Variants in MEI4 observed in about 807,000 individuals in gnomAD.
MEI4 encodes the protein meiosis-specific protein MEI4.
MEI4 carries 27 observed loss-of-function variants against 31.4 expected under a neutral mutation model. That is an observed-to-expected ratio of 0.86 (90% confidence interval 0.63 to 1.19). The LOEUF is 1.19. Among genes scored for constraint, MEI4 ranks in the 50% most tolerant of loss-of-function variants. The probability of loss-of-function intolerance (pLI) is 0.00; values close to 1 mark genes in which losing one functional copy is unlikely to be tolerated. For synonymous variants in MEI4, 122 were observed against 145.4 expected, an observed-to-expected ratio of 0.84 and a Z score of 1.16; for missense variants, 329 against 398.9, an observed-to-expected ratio of 0.82 and a Z score of 1.49.
Position 77,761,278 on chromosome 6 carries a change from C to T in MEI4, c.381C>T (p.Pro127=), listed in dbSNP as rs372270273. ...AGCACTTTGTGGAAAGCTGTACCCCCACTCACTTTCCACCACTGCCTCTTG... is the reference window on the plus strand; with the variant it reads ...AGCACTTTGTGGAAAGCTGTACCCCTACTCACTTTCCACCACTGCCTCTTG... The part of the protein sequence containing the change: ...LSQHFVESCT[P]THFPPLPLVK... Residue 127 remains proline (P), a synonymous_variant, in exon 3 of 5, where the codon CCC becomes CCT. Transcript: ENST00000684080. 1.9e-5 allele frequency: 23 copies of T among 1,232,534 alleles called. No individual in the cohort carries two copies. Among genetic ancestry groups the T allele is most frequent in the East Asian group, 3.2e-5 (1 of 31,712 alleles). 76.3% of individuals were successfully genotyped at this position (1,232,534 alleles called of 1,614,324 possible).
chr6:77,793,566 A>G (rs1582150332), intron 3 of MEI4, among the ~76,000 whole-genome samples: 1 of 150,540 alleles, frequency 6.6e-6, no homozygotes, highest in South Asian at 2.1e-4. Context: ...AAATTGTCAA[A>G]TATAATTATA....
chr6:77,690,336 C>G (rs1202769156), intron 1 of MEI4, among the ~76,000 whole-genome samples: 1 of 151,986 alleles, frequency 6.6e-6, no homozygotes, highest in Non-Finnish European at 1.5e-5. Context: ...ATTTTGAAAG[C>G]TCCCTCAGAG....
chr6:77,907,864 C>T (rs1291037121), intron 4 of MEI4, among the ~76,000 whole-genome samples: 1 of 152,120 alleles, frequency 6.6e-6, no homozygotes, highest in Non-Finnish European at 1.5e-5. Context: ...GATGGTATCT[C>T]ATTGTGGTTT....
chr6:77,792,033 A>G (rs1460410297), intron 3 of MEI4, among the ~76,000 whole-genome samples: 1 of 152,090 alleles, frequency 6.6e-6, no homozygotes, highest in Non-Finnish European at 1.5e-5. Context: ...TGTAAGAGAG[A>G]TTATAGGGTA....
intron 1 of MEI4, among the ~76,000 whole-genome samples, chr6:77,658,125 C>T (rs995332953): frequency 2.6e-5 from 4 of 152,052 alleles, no homozygotes; most frequent in Non-Finnish European, 5.9e-5. Context: ...AGAGAGTCAG[C>T]GAAGGGTGGT....
At chr6:77,665,068 G>C (rs201773350) in intron 1 of MEI4, among the ~76,000 whole-genome samples, 3 of 150,588 alleles carry the variant, frequency 2.0e-5, no homozygotes, top group Non-Finnish European at 4.4e-5. Flanking sequence ...GAGGGAAGGG[G>C]TTCGGGGGTT....
At chr6:77,781,669 C>A (rs1011778358) in intron 3 of MEI4, among the ~76,000 whole-genome samples, 2 of 152,080 alleles carry the variant, frequency 1.3e-5, no homozygotes, top group Non-Finnish European at 2.9e-5. Context: ...TTATAACAAT[C>A]CAGGAAAGGT....
chr6:77,653,588 A>C (rs1487998376), intron 1 of MEI4, among the ~76,000 whole-genome samples: 1 of 152,178 alleles, frequency 6.6e-6, no homozygotes, highest in Non-Finnish European at 1.5e-5. Flanking sequence ...TTTATTGTTC[A>C]ATTTAAAAGG....
intron 3 of MEI4, among the ~76,000 whole-genome samples, chr6:77,810,360 A>G (rs908973164): frequency 1.3e-5 from 2 of 152,036 alleles, no homozygotes; most frequent in Non-Finnish European, 1.5e-5. Context: ...AATGTTGTGG[A>G]AAAAAAGGAA....
chr6:77,756,407 G>A (rs1767919509), intron 2 of MEI4, among the ~76,000 whole-genome samples: 1 of 152,016 alleles, frequency 6.6e-6, no homozygotes, highest in Non-Finnish European at 1.5e-5. Flanking sequence ...TGGAAGCATT[G>A]GTTTCCAGTG....
Position 77,758,350 on chromosome 6 carries a change from T to C in MEI4, c.233-2780T>C, listed in dbSNP as rs151226237. Among the ~76,000 whole-genome samples the C allele has an allele frequency of 2.0e-3, 298 of 152,298 alleles. 3 individuals are homozygous for C. The highest frequency in any genetic ancestry group is 6.0e-3 in the African/African-American group (248 of 41,564). On this transcript the variant is annotated intron_variant, in intron 2 of 4. Coordinates refer to ENST00000684080, the MANE Select transcript of MEI4 (RefSeq NM_001322247.2). ...CAAGCACATGTCTGCACATTTTTGATGGTTATAGTAGACACTTGTTAAATG... is the reference window on the plus strand; with the variant it reads ...CAAGCACATGTCTGCACATTTTTGACGGTTATAGTAGACACTTGTTAAATG...
chr6:77,766,567 C>CCACACCCGGCTAATTTTTTTG (rs1219231451), intron 3 of MEI4, among the ~76,000 whole-genome samples: 3 of 152,086 alleles, frequency 2.0e-5, no homozygotes, highest in Non-Finnish European at 4.4e-5. Context: ...GTGCCTGCCA[C>CCACACCCGGCTAATTTTTTTG]CACACCCGGC....
chr6:77,861,636 A>G (rs1018179663), intron 4 of MEI4, among the ~76,000 whole-genome samples: 1 of 152,170 alleles, frequency 6.6e-6, no homozygotes, highest in Non-Finnish European at 1.5e-5. Context: ...CTGAAAGGCC[A>G]CATGTATATT....
chr6:77,693,154 A>G (rs1769190246), intron 2 of MEI4, among the ~76,000 whole-genome samples: 1 of 152,112 alleles, frequency 6.6e-6, no homozygotes, highest in Non-Finnish European at 1.5e-5. Flanking sequence ...TTACTATTGC[A>G]TGAGCAAAAA....
chr6:77,834,274 A>T (rs1770153936), intron 4 of MEI4, among the ~76,000 whole-genome samples: 1 of 151,704 alleles, frequency 6.6e-6, no homozygotes, highest in East Asian at 1.9e-4. Context: ...GACATGGTAA[A>T]TAAGTTTAAG....
intron 3 of MEI4, among the ~76,000 whole-genome samples, chr6:77,795,991 G>A (rs1582153512): frequency 6.6e-6 from 1 of 152,238 alleles, no homozygotes; most frequent in Non-Finnish European, 1.5e-5. Context: ...ATACATATAT[G>A]CAAAATGCAC....
chr6:77,758,993 A>ATC (rs1767981209), intron 2 of MEI4, among the ~76,000 whole-genome samples: 2 of 152,122 alleles, frequency 1.3e-5, no homozygotes, highest in African/African-American at 4.8e-5. Flanking sequence ...CCATTGCAAT[A>ATC]AGTTCTCTGT....
intron 3 of MEI4, among the ~76,000 whole-genome samples, chr6:77,788,754 G>T (rs1157903867): frequency 6.6e-6 from 1 of 152,062 alleles, no homozygotes; most frequent in Non-Finnish European, 1.5e-5. Flanking sequence ...AAATAAAAGA[G>T]GATACAAAGA....
chr6:77,891,076 G>C (rs1250520877), intron 4 of MEI4, among the ~76,000 whole-genome samples: 1 of 152,058 alleles, frequency 6.6e-6, no homozygotes, highest in Non-Finnish European at 1.5e-5. Context: ...AGAATTATTT[G>C]TCTTTTACTT....
Sources: allele counts gnomAD v4.1 joint callset (sites outside exome capture counted in the v4.1 genomes callset), GRCh38; gene constraint gnomAD v4.1.1; transcripts MANE v1.5; gene names NCBI Gene and HGNC (gene_info 2026-07-23, HGNC 2026-07-21).